The following BCL2 variants were observed in gnomAD, a reference collection of about 807,000 sequenced individuals.
BCL2 encodes apoptosis regulator Bcl-2.
A neutral mutation model predicts 14.2 loss-of-function variants in BCL2; 1 was observed. The ratio of observed to expected loss-of-function variants is 0.07; its 90% confidence interval spans 0.02 to 0.33. BCL2 has a LOEUF of 0.33. Ranked by LOEUF, BCL2 falls within the 10% of genes least tolerant of loss-of-function variation. The pLI is 0.99. For missense variants in BCL2, 247 were observed against 305.9 expected (o/e 0.81, Z 1.44); for synonymous variants, 151 against 137.2 (o/e 1.10, Z -0.70).
intron 2 of BCL2, among the ~76,000 whole-genome samples, chr18:63,141,525 A>AAGCCCTCTGCCTCT: frequency 6.6e-6 from 1 of 152,278 alleles, no homozygotes; most frequent in South Asian, 2.1e-4. Context: ...TATGCCCACA[A>AAGCCCTCTGCCTCT]AGCCCTCTGC....
intron 2 of BCL2, among the ~76,000 whole-genome samples, chr18:63,179,380 T>C (rs1485347622): frequency 1.3e-5 from 2 of 152,172 alleles, no homozygotes; most frequent in Non-Finnish European, 2.9e-5. Context: ...ACACCGTACA[T>C]TCCAGCCCCC....
At chr18:63,300,563 A>T (rs1266505943) in intron 2 of BCL2, among the ~76,000 whole-genome samples, 3 of 151,662 alleles carry the variant, frequency 2.0e-5, no homozygotes, top group African/African-American at 7.3e-5. Context: ...CACACAAGTA[A>T]ATTTTTCAGA....
At chr18:63,155,815 CCTTT>C (rs1432403377) in intron 2 of BCL2, among the ~76,000 whole-genome samples, 1 of 152,174 alleles carries the variant, frequency 6.6e-6, no homozygotes. Context: ...TGAACCCTCT[CCTTT>C]CTTTCTCCAG....
chr18:63,143,252 A>C (rs1914414740), intron 2 of BCL2, among the ~76,000 whole-genome samples: 1 of 152,256 alleles, frequency 6.6e-6, no homozygotes, highest in Non-Finnish European at 1.5e-5. Context: ...AAAGAGAAAA[A>C]GAGAAGCTGA....
chr18:63,299,286 T>G (rs1489198853), intron 2 of BCL2, among the ~76,000 whole-genome samples: 2 of 152,230 alleles, frequency 1.3e-5, no homozygotes, highest in African/African-American at 4.8e-5. Context: ...ATCTATTATG[T>G]GCTTGCCTTG....
chr18:63,254,694 A>G (rs556863226), intron 2 of BCL2, among the ~76,000 whole-genome samples: 2 of 152,352 alleles, frequency 1.3e-5, no homozygotes, highest in Admixed American at 6.5e-5. Flanking sequence ...ACACGTATTT[A>G]AAATATGGGT....
In BCL2 at chr18:63,125,406, T is replaced by C. The variant is rs1913885038; in HGVS notation, c.*3219A>G. 1 of 223,546 alleles carries C rather than the reference T, an allele frequency of 4.5e-6. No homozygotes were observed. Among genetic ancestry groups the C allele is most frequent in the African/African-American group, 2.2e-5 (1 of 44,794 alleles). 13.8% of individuals were successfully genotyped at this position (223,546 alleles called of 1,614,324 possible). ...TGTCAGCTGTCATTCTGGCCTCTCT[T>C]GCGGAGTATTTGTGCAGCGAGGGAC... On this transcript the variant is annotated 3_prime_UTR_variant, in exon 3 of 3. Transcript: ENST00000333681.
intron 2 of BCL2, among the ~76,000 whole-genome samples, chr18:63,219,630 T>C (rs140293072): frequency 6.6e-6 from 1 of 152,208 alleles, no homozygotes; most frequent in East Asian, 1.9e-4. Flanking sequence ...CTAACCCTGA[T>C]AATTAATTTA....
chr18:63,275,270 G>T (rs1408159914), intron 2 of BCL2, among the ~76,000 whole-genome samples: 2 of 151,888 alleles, frequency 1.3e-5, no homozygotes, highest in Non-Finnish European at 2.9e-5. Flanking sequence ...TTCGATCAAG[G>T]TTTATGTAAC....
chr18:63,165,426 T>C (rs1568220842), intron 2 of BCL2, among the ~76,000 whole-genome samples: 1 of 152,212 alleles, frequency 6.6e-6, no homozygotes, highest in Non-Finnish European at 1.5e-5. Context: ...TCCAGGCCCC[T>C]AGCTGCAGAC....
At position 63,318,301 on chromosome 18, in the gene BCL2, C is replaced by T. The variant is rs1465168265; in HGVS notation, c.366G>A (p.Thr122=). 4 of 1,614,022 alleles carry T rather than the reference C, an allele frequency of 2.5e-6. No homozygotes were observed. In the African/African-American group the frequency reaches 5.3e-5, roughly 22 times the overall value. Reference sequence around the variant, plus strand: ...CAAAGCGTCCCCGCGCGGTGAAGGGCGTCAGGTGCAGCTGGCTGGACATCT... The same window carrying T: ...CAAAGCGTCCCCGCGCGGTGAAGGGTGTCAGGTGCAGCTGGCTGGACATCT... The part of the protein sequence containing the change: ...FAEMSSQLHL[T]PFTARGRFAT... Residue 122 remains threonine (T), a synonymous_variant, in exon 2 of 3, where the codon ACG becomes ACA. Coordinates refer to ENST00000333681, the MANE Select transcript of BCL2 (RefSeq NM_000633.3). The surrounding 1 kb of genome is among the most constrained non-coding windows in gnomAD (Gnocchi z 7.4).
At chr18:63,203,697 CACACAT>C (rs1249772404) in intron 2 of BCL2, among the ~76,000 whole-genome samples, 1 of 152,134 alleles carries the variant, frequency 6.6e-6, no homozygotes, top group East Asian at 1.9e-4. Flanking sequence ...CACACACACA[CACACAT>C]ACACACACAT....
chr18:63,266,953 AG>A (rs1911850635), intron 2 of BCL2, among the ~76,000 whole-genome samples: 1 of 152,222 alleles, frequency 6.6e-6, no homozygotes, highest in Non-Finnish European at 1.5e-5. Context: ...ATCTCTGAAA[AG>A]TGCCCTCAAA....
intron 2 of BCL2, among the ~76,000 whole-genome samples, chr18:63,158,398 C>T (rs1453870729): frequency 6.6e-6 from 1 of 152,156 alleles, no homozygotes; most frequent in Non-Finnish European, 1.5e-5. Flanking sequence ...CATAGTCTCT[C>T]ATAGCCTGGC....
intron 2 of BCL2, among the ~76,000 whole-genome samples, chr18:63,139,373 T>A (rs1531697): frequency 0.2 from 30,799 of 152,256 alleles, 3,540 homozygotes; most frequent in South Asian, 0.41. Flanking sequence ...CGTATCTATA[T>A]GACCTTGAAA....
rs771396277 is a variant in BCL2 at position 63,318,394 on chromosome 18, A to G, written c.273T>C (p.Pro91=). The change falls in exon 2 of 3, where the codon CCT becomes CCC. Residue 91 remains proline (P), a synonymous_variant. Transcript: ENST00000333681. The surrounding 1 kb of genome is among the most constrained non-coding windows in gnomAD (Gnocchi z 7.4). ...CCTGGCGGAGGGTCAGGTGGACCACAGGTGGCACCGGGCTGAGCGCAGGCC... is the reference window on the plus strand; with the variant it reads ...CCTGGCGGAGGGTCAGGTGGACCACGGGTGGCACCGGGCTGAGCGCAGGCC... ...AAGPALSPVP[P]VVHLTLRQAG... is the part of the protein sequence containing the mutation. 2 of 1,578,108 alleles carry G rather than the reference A, an allele frequency of 1.3e-6. No individual in the cohort carries two copies. Among genetic ancestry groups the G allele is most frequent in the Admixed American group, 3.5e-5 (2 of 57,878 alleles).
At chr18:63,177,452 T>C (rs1915376518) in intron 2 of BCL2, among the ~76,000 whole-genome samples, 1 of 152,212 alleles carries the variant, frequency 6.6e-6, no homozygotes, top group Non-Finnish European at 1.5e-5. Flanking sequence ...CCCCGCGTGC[T>C]AATATCCCAG....
chr18:63,196,299 G>T (rs183581812), intron 2 of BCL2, among the ~76,000 whole-genome samples: 3 of 152,274 alleles, frequency 2.0e-5, no homozygotes, highest in Admixed American at 2.0e-4. Flanking sequence ...TTCTTAGGCT[G>T]AAAGATATTT....
intron 2 of BCL2, among the ~76,000 whole-genome samples, chr18:63,275,974 T>C (rs1404727117): frequency 2.0e-5 from 3 of 152,224 alleles, no homozygotes; most frequent in South Asian, 2.1e-4. Flanking sequence ...AAGGGAGTGA[T>C]GGTTGAAACC....
Sources: gnomAD v4.1 joint callset for allele counts (sites outside exome capture counted in the v4.1 genomes callset) on GRCh38, gnomAD v4.1.1 for gene constraint, Gnocchi (gnomAD v3.1) non-coding constraint, MANE v1.5 for transcripts, NCBI Gene and HGNC (gene_info 2026-07-23, HGNC 2026-07-21) for gene names.